Variants in FOXP2 observed in about 807,000 individuals in gnomAD.
The protein encoded by FOXP2 is forkhead box P2.
A neutral mutation model predicts 115.8 loss-of-function variants in FOXP2; 12 were observed. The observed-to-expected ratio is 0.10, with a 90% CI of 0.07 to 0.17. The LOEUF (loss-of-function observed/expected upper bound fraction) is 0.17, where lower values mean the gene tolerates loss of function less well. Among genes scored for constraint, FOXP2 ranks in the 10% least tolerant of loss-of-function variants. FOXP2 has a pLI of 1.00. For synonymous variants in FOXP2, 328 were observed against 297.7 expected (o/e 1.10, Z -1.05); for missense variants, 629 against 843.5 (o/e 0.75, Z 3.15).
chr7:114,489,355 A>G (rs1048749411), intron 2 of FOXP2, among the ~76,000 whole-genome samples: 2 of 152,188 alleles, frequency 1.3e-5, no homozygotes, highest in Non-Finnish European at 2.9e-5. Flanking sequence ...AAATAAAACA[A>G]TAAGGATTTG....
At chr7:114,589,080 A>C (rs1802304681) in intron 3 of FOXP2, among the ~76,000 whole-genome samples, 1 of 152,180 alleles carries the variant, frequency 6.6e-6, no homozygotes, top group African/African-American at 2.4e-5. Flanking sequence ...AAGAAAAAAT[A>C]ATCGTCATCA....
At position 114,690,126 on chromosome 7, in the gene FOXP2, CTTCTTTTT is replaced by C; in HGVS notation, c.*203_*210del. Reference sequence around the variant, plus strand: ...AATTGCTTGTTTTCTTCTTCTTCTTCTTCTTTTTTTTTTTTTTTTTAGAAAAAAAGACA... The same window carrying C: ...AATTGCTTGTTTTCTTCTTCTTCTTCTTTTTTTTTTTTAGAAAAAAAGACA... On this transcript the variant is annotated 3_prime_UTR_variant, in exon 17 of 17. Transcript: ENST00000350908. The C allele has an allele frequency of 2.1e-6, 1 of 472,430 alleles. No individual in the cohort carries two copies. Among genetic ancestry groups the C allele is most frequent in the Non-Finnish European group, 3.7e-6 (1 of 268,516 alleles). 29.3% of individuals were successfully genotyped at this position (472,430 alleles called of 1,614,324 possible). A position where few individuals can be genotyped will look rare whatever the true frequency, so the allele number is the denominator to read the frequency against.
At chr7:114,590,116 T>A (rs1802370802) in intron 3 of FOXP2, among the ~76,000 whole-genome samples, 1 of 152,142 alleles carries the variant, frequency 6.6e-6, no homozygotes, top group Admixed American at 6.6e-5. Flanking sequence ...CACATTCCCC[T>A]ACCTAACGAG....
chr7:114,521,912 A>G (rs1185775353), intron 2 of FOXP2, among the ~76,000 whole-genome samples: 3 of 152,160 alleles, frequency 2.0e-5, no homozygotes, highest in African/African-American at 2.4e-5. Context: ...TTAGTGTACC[A>G]TTTGCATCTC....
intron 1 of FOXP2, among the ~76,000 whole-genome samples, chr7:114,118,995 T>C (rs997893160): frequency 1.2e-4 from 19 of 152,164 alleles, no homozygotes; most frequent in Admixed American, 6.6e-5. Context: ...GGCCACCTTA[T>C]GATGGACAAA....
At chr7:114,413,048 C>T (rs1234207608), upstream of FOXP2, among the ~76,000 whole-genome samples, 3 of 152,102 alleles carry the variant, frequency 2.0e-5, no homozygotes, top group African/African-American at 7.2e-5. Context: ...TTAATTGCTA[C>T]TACACTGCTT....
intron 2 of FOXP2, among the ~76,000 whole-genome samples, chr7:114,391,903 T>G (rs773115088): frequency 2.0e-5 from 3 of 152,232 alleles, no homozygotes; most frequent in African/African-American, 4.8e-5. Flanking sequence ...ACTAGGTCTT[T>G]AGAATGAAGG....
rs758449791 is a variant in FOXP2 at position 114,237,990 on chromosome 7, AAACT to A, written c.-101-50025_-101-50022del. 1.6e-4 allele frequency among the ~76,000 whole-genome samples: 24 copies of A among 152,294 alleles called. No individual in the cohort carries two copies. The South Asian group carries it at 2.3e-3, about 14-fold the overall frequency. On this transcript the variant is annotated intron_variant, in intron 1 of 17. Coordinates refer to the FOXP2 transcript ENST00000634411. Reference sequence around the variant, plus strand: ...GAGACTGCATCTCAAACAAACAAACAAACTAACAAACACACACACAAACAAAAAA... The same window carrying A: ...GAGACTGCATCTCAAACAAACAAACAAACAAACACACACACAAACAAAAAA...
intron 1 of FOXP2, among the ~76,000 whole-genome samples, chr7:114,260,677 C>A (rs1353116774): frequency 1.3e-5 from 2 of 151,998 alleles, no homozygotes; most frequent in African/African-American, 4.8e-5. Flanking sequence ...TTTTACTTTT[C>A]AGTTTTCAAA....
Position 114,130,722 on chromosome 7 carries a change from A to T in FOXP2, c.-246-32222A>T, listed in dbSNP as rs145546886. On this transcript the variant is annotated intron_variant, in intron 1 of 19. Transcript: ENST00000635638. ...GTAAAAATATTAAAATATTTTCATA[A>T]ATCAGGTACTACAGAAAATATATGC... 3.0e-3 allele frequency among the ~76,000 whole-genome samples: 458 copies of T among 152,350 alleles called. 5 individuals carry two copies. The highest frequency in any genetic ancestry group is 0.011 in the African/African-American group (443 of 41,582).
intron 2 of FOXP2, among the ~76,000 whole-genome samples, chr7:114,303,415 A>G (rs1239015848): frequency 6.6e-6 from 1 of 152,202 alleles, no homozygotes; most frequent in Non-Finnish European, 1.5e-5. Flanking sequence ...ATCTTCACTT[A>G]TAAAGTGAAT....
chr7:114,197,675 ACTTTTGTGAAGTAGTCCTAAC>A (rs1476272525), intron 1 of FOXP2, among the ~76,000 whole-genome samples: 13 of 152,252 alleles, frequency 8.5e-5, no homozygotes, highest in South Asian at 2.1e-4. Flanking sequence ...AAATAAAAAG[ACTTTTGTGAAGTAGTCCTAAC>A]CTTTTTTCTA....
intron 2 of FOXP2, among the ~76,000 whole-genome samples, chr7:114,356,063 C>T (rs980284883): frequency 1.3e-5 from 2 of 152,108 alleles, no homozygotes; most frequent in Non-Finnish European, 2.9e-5. Context: ...GCTATTATTA[C>T]CCAAGTGCCT....
chr7:114,372,731 T>C (rs1228613035), intron 2 of FOXP2, among the ~76,000 whole-genome samples: 1 of 151,998 alleles, frequency 6.6e-6, no homozygotes, highest in African/African-American at 2.4e-5. Context: ...GGTTTTTTTG[T>C]TTTGTTTTGT....
chr7:114,564,831 A>C (rs907039640), intron 3 of FOXP2, among the ~76,000 whole-genome samples: 10 of 151,320 alleles, frequency 6.6e-5, no homozygotes, highest in African/African-American at 1.9e-4. Flanking sequence ...CAGTGAGCCA[A>C]GATTGCTCCA....
intron 2 of FOXP2, among the ~76,000 whole-genome samples, chr7:114,315,543 T>C (rs1024825271): frequency 5.9e-5 from 9 of 152,138 alleles, no homozygotes; most frequent in African/African-American, 2.2e-4. Flanking sequence ...TCACCCATAC[T>C]AGCTATTAAG....
chr7:114,150,581 G>A (rs1192206103), intron 1 of FOXP2, among the ~76,000 whole-genome samples: 2 of 151,880 alleles, frequency 1.3e-5, no homozygotes, highest in Non-Finnish European at 2.9e-5. Flanking sequence ...TTGCTGCATT[G>A]TGTTGTTTAT....
intron 2 of FOXP2, among the ~76,000 whole-genome samples, chr7:114,448,566 C>G (rs1463679304): frequency 1.3e-5 from 2 of 152,108 alleles, no homozygotes; most frequent in Non-Finnish European, 2.9e-5. Flanking sequence ...TCCTTTCCTG[C>G]TACACCCATA....
chr7:114,616,905 C>T (rs1321627530), intron 3 of FOXP2, among the ~76,000 whole-genome samples: 6 of 151,910 alleles, frequency 3.9e-5, no homozygotes, highest in Admixed American at 3.3e-4. Context: ...TGAGGCCCTC[C>T]CATCTCTAAA....
Sources: gnomAD v4.1 joint callset for allele counts (sites outside exome capture counted in the v4.1 genomes callset) on GRCh38, gnomAD v4.1.1 for gene constraint, MANE v1.5 for transcripts, NCBI Gene and HGNC (gene_info 2026-07-23, HGNC 2026-07-21) for gene names.